The following NEK10 variants were observed in gnomAD, a reference collection of about 807,000 sequenced individuals.
The protein encoded by NEK10 is serine/threonine-protein kinase Nek10.
Under a neutral mutation model 159.8 loss-of-function variants are expected in NEK10, and 122 were observed. The observed-to-expected ratio is 0.76, with a 90% CI of 0.66 to 0.89. The LOEUF (loss-of-function observed/expected upper bound fraction) is 0.89, where lower values mean the gene tolerates loss of function less well. Ranked by LOEUF, NEK10 falls within the 40% of genes least tolerant of loss-of-function variation. The probability of loss-of-function intolerance (pLI) is 0.00; values close to 1 mark genes in which losing one functional copy is unlikely to be tolerated. For missense variants in NEK10, 1,342 were observed against 1,323.1 expected, an observed-to-expected ratio of 1.01 and a Z score of -0.22; for synonymous variants, 466 against 457.1, an observed-to-expected ratio of 1.02 and a Z score of -0.25.
chr3:27,362,896 CCT>C (rs1411660266), intron 1 of NEK10, among the ~76,000 whole-genome samples: 1 of 152,020 alleles, frequency 6.6e-6, no homozygotes, highest in Non-Finnish European at 1.5e-5. Context: ...CCAATTTCTC[CCT>C]CTCCCCAACT....
At chr3:27,338,847 C>A (rs971884645) in intron 5 of NEK10, among the ~76,000 whole-genome samples, 2 of 151,956 alleles carry the variant, frequency 1.3e-5, no homozygotes, top group Admixed American at 1.3e-4. Context: ...GGCTAGATTG[C>A]AAAAATTTTC....
chr3:27,119,274 C>A (rs1940945881), intron 33 of NEK10, among the ~76,000 whole-genome samples: 1 of 152,180 alleles, frequency 6.6e-6, no homozygotes, highest in African/African-American at 2.4e-5. Context: ...TGAATCTAGG[C>A]ACCCAGGTTT....
chr3:27,231,500 G>C (rs1247732676), intron 23 of NEK10, among the ~76,000 whole-genome samples: 1 of 151,662 alleles, frequency 6.6e-6, no homozygotes, highest in Non-Finnish European at 1.5e-5. Flanking sequence ...ACAAACATCA[G>C]AGTATAACTA....
intron 5 of NEK10, among the ~76,000 whole-genome samples, chr3:27,330,039 AAGTAC>A (rs1179513055): frequency 7.9e-6 from 1 of 125,828 alleles, no homozygotes; most frequent in Non-Finnish European, 1.9e-5. Context: ...AATGCTATGT[AAGTAC>A]TTTTTATTGT....
intron 26 of NEK10, among the ~76,000 whole-genome samples, chr3:27,184,318 CA>C (rs1348984363): frequency 2.0e-5 from 3 of 152,162 alleles, no homozygotes; most frequent in Non-Finnish European, 4.4e-5. Flanking sequence ...AAAAGCCAGC[CA>C]CTAAAGAGAA....
intron 33 of NEK10, 57 bp downstream of exon 33, chr3:27,119,703 G>T: frequency 3.1e-6 from 4 of 1,303,490 alleles, no homozygotes; most frequent in Admixed American, 1.8e-5. Flanking sequence ...AATAGCTGTT[G>T]ATCCAAACAA....
chr3:27,319,278 G>A (rs952185869), intron 6 of NEK10, among the ~76,000 whole-genome samples: 2 of 152,122 alleles, frequency 1.3e-5, no homozygotes, highest in African/African-American at 2.4e-5. Flanking sequence ...ATCTCAATAC[G>A]TGTCTTCGTT....
intron 30 of NEK10, among the ~76,000 whole-genome samples, chr3:27,152,353 TA>T (rs912760507): frequency 6.6e-6 from 1 of 152,188 alleles, no homozygotes; most frequent in African/African-American, 2.4e-5. Context: ...CTCCTCAAAC[TA>T]AACAATTATC....
chr3:27,323,552 ATAT>A (rs2045800863), intron 5 of NEK10, among the ~76,000 whole-genome samples: 1 of 152,300 alleles, frequency 6.6e-6, no homozygotes, highest in East Asian at 1.9e-4. Flanking sequence ...TGGAGAAGTC[ATAT>A]TATGACAGAA....
intron 31 of NEK10, among the ~76,000 whole-genome samples, chr3:27,133,631 G>A (rs569001796): frequency 5.9e-5 from 9 of 152,174 alleles, no homozygotes; most frequent in Admixed American, 1.3e-4. Context: ...AAAATTAGCC[G>A]GGCATGGTGG....
chr3:27,272,694 A>C (rs1186610344), intron 22 of NEK10, among the ~76,000 whole-genome samples: 1 of 152,190 alleles, frequency 6.6e-6, no homozygotes, highest in Non-Finnish European at 1.5e-5. Context: ...CACTAAGAGC[A>C]TATGTTCTAG....
intron 5 of NEK10, among the ~76,000 whole-genome samples, chr3:27,328,130 A>G (rs1245638396): frequency 6.6e-6 from 1 of 152,178 alleles, no homozygotes; most frequent in East Asian, 1.9e-4. Context: ...CAGGATATAA[A>G]TGCATTCTTA....
intron 30 of NEK10, among the ~76,000 whole-genome samples, chr3:27,154,460 G>A (rs184436492): frequency 2.6e-4 from 40 of 152,152 alleles, no homozygotes; most frequent in African/African-American, 8.2e-4. Context: ...CGCCAGCATC[G>A]CCCTAATACC....
Position 27,116,015 on chromosome 3 carries a change from G to C in NEK10, c.3244-20C>G, listed in dbSNP as rs1042356696. 1 of 1,612,262 alleles carries C rather than the reference G, an allele frequency of 6.2e-7. No individual in the cohort carries two copies. The highest frequency in any genetic ancestry group is 8.5e-7 in the Non-Finnish European group (1 of 1,178,766). On this transcript the variant is annotated intron_variant, in intron 34 of 35. Transcript: ENST00000691995. ...CACAGTCTAAAATTTTAAAAATCAG[G>C]TTAGTATTGAATTAGAAGTAACAAA... is the stretch of plus-strand genomic sequence containing the variant.
chr3:27,126,921 A>C (rs1475815886), intron 32 of NEK10, among the ~76,000 whole-genome samples: 1 of 152,144 alleles, frequency 6.6e-6, no homozygotes, highest in African/African-American at 2.4e-5. Flanking sequence ...AACCTGTCCA[A>C]TTCTAACTGG....
chr3:27,273,767 C>T (rs542677608), intron 22 of NEK10, among the ~76,000 whole-genome samples: 3 of 152,282 alleles, frequency 2.0e-5, no homozygotes, highest in Admixed American at 1.3e-4. Context: ...AGCTCATTTA[C>T]CACTCTACTC....
intron 22 of NEK10, among the ~76,000 whole-genome samples, chr3:27,264,735 T>C (rs370128040): frequency 6.6e-6 from 1 of 151,672 alleles, no homozygotes; most frequent in East Asian, 1.9e-4. Context: ...CTACTAAAAA[T>C]GCAAAAAAAT....
At chr3:27,321,146 A>G (rs1296307269) in intron 6 of NEK10, among the ~76,000 whole-genome samples, 1 of 146,308 alleles carries the variant, frequency 6.8e-6, no homozygotes, top group Non-Finnish European at 1.5e-5. Context: ...CAGGGCATAA[A>G]AGGAGACACT....
chr3:27,192,723 T>A (rs538040576), intron 25 of NEK10, among the ~76,000 whole-genome samples: 147 of 152,124 alleles, frequency 9.7e-4, no homozygotes, highest in Admixed American at 1.5e-3. Context: ...TGAACTTTTT[T>A]AAAAATAAAA....
Sources: gnomAD v4.1 joint callset for allele counts (sites outside exome capture counted in the v4.1 genomes callset) on GRCh38, gnomAD v4.1.1 for gene constraint, MANE v1.5 for transcripts, NCBI Gene and HGNC (gene_info 2026-07-23, HGNC 2026-07-21) for gene names.